The following F5 variants were observed in gnomAD, a reference collection of about 807,000 sequenced individuals.
F5 encodes activated protein c cofactor.
Under a neutral mutation model 216.4 loss-of-function variants are expected in F5, and 138 were observed. The observed-to-expected ratio is 0.64, with a 90% CI of 0.56 to 0.73. The LOEUF is 0.73. Ranked by LOEUF, F5 falls within the 30% of genes least tolerant of loss-of-function variation. The pLI, the probability that F5 is intolerant of heterozygous loss-of-function variation, is 0.00. For synonymous variants in F5, 916 were observed against 930.7 expected, an observed-to-expected ratio of 0.98 and a Z score of 0.29; for missense variants, 2,403 against 2,674.0, an observed-to-expected ratio of 0.90 and a Z score of 2.24.
chr1:169,529,859 A>G (rs1281451265), intron 15 of F5, 41 bp from the exon 16 acceptor site: 2 of 1,532,996 alleles, frequency 1.3e-6, no homozygotes. Flanking sequence ...TTTCTCAGGA[A>G]TTTCCTTGCT....
chr1:169,512,614 C>A lies in F5; in HGVS notation c.*1699G>T, dbSNP rs537882111. ...AAAACAAAGAAATGTTTTCCCCCAC[C>A]TTCCAACATTCTCTTTTGCTCTTAA... On this transcript the variant is annotated 3_prime_UTR_variant, in exon 25 of 25. Transcript: ENST00000367797. Among the ~76,000 whole-genome samples, 1 of 152,188 alleles carries A rather than the reference C, an allele frequency of 6.6e-6. No individual in the cohort carries two copies. The highest frequency in any genetic ancestry group is 2.1e-4 in the South Asian group (1 of 4,824).
intron 3 of F5, among the ~76,000 whole-genome samples, chr1:169,566,964 T>C (rs569942516): frequency 6.6e-6 from 1 of 152,090 alleles, no homozygotes; most frequent in Admixed American, 6.6e-5. Flanking sequence ...AGATAGAAAT[T>C]GGTGATTTTC....
intron 3 of F5, among the ~76,000 whole-genome samples, chr1:169,569,228 G>A (rs9287095): frequency 0.2 from 29,675 of 151,862 alleles, 4,338 homozygotes; most frequent in African/African-American, 0.42. Flanking sequence ...GGAATGTTTT[G>A]GAAAAATCTA....
intron 11 of F5, among the ~76,000 whole-genome samples, chr1:169,545,103 C>A (rs1370462554): frequency 1.3e-5 from 2 of 152,182 alleles, no homozygotes; most frequent in Non-Finnish European, 1.5e-5. Context: ...AAGGGCAGGG[C>A]TCATGTCTAC....
At position 169,540,350 on chromosome 1, in the gene F5, T is replaced by C. The variant is rs1416859439; in HGVS notation, c.4740A>G (p.Arg1580=). The stretch of plus-strand genomic sequence containing the variant: ...TTTCTTCAGCAGCAATGTAATAATT[T>C]CTTCTGTTTCCATTGTTGCTGCGGA... ...WYLRSNNGNR[R]NYYIAAEEIS... The change falls in exon 13 of 25, where the codon AGA becomes AGG. Residue 1580 remains arginine (R), a synonymous_variant. Coordinates refer to ENST00000367797, the MANE Select transcript of F5 (RefSeq NM_000130.5). 2 of 1,613,998 alleles carry C rather than the reference T, an allele frequency of 1.2e-6. No homozygotes were observed. The highest frequency in any genetic ancestry group is 1.7e-6 in the Non-Finnish European group (2 of 1,179,914).
chr1:169,542,945 A>G lies in F5; in HGVS notation c.2145T>C (p.Pro715=). The G allele has an allele frequency of 6.2e-7, 1 of 1,614,090 alleles. No homozygotes were observed. The highest frequency in any genetic ancestry group is 2.2e-5 in the East Asian group (1 of 44,882). Residue 715 remains proline, a synonymous_variant, in exon 13 of 25, where the codon CCT becomes CCC. Transcript: ENST00000367797. ...ATRKMHDRLE[P]EDEESDADYD... is the part of the protein sequence containing the mutation. ...AGTCAGCATCACTCTCTTCATCTTC[A>G]GGTTCTAAACGATCATGCATTTTCC...
At chr1:169,534,163 C>T (rs747978054) in intron 14 of F5, among the ~76,000 whole-genome samples, 2 of 152,156 alleles carry the variant, frequency 1.3e-5, no homozygotes, top group African/African-American at 2.4e-5. Context: ...GACCCACTCA[C>T]GTGGACCCTC....
At chr1:169,559,336 A>G (rs1271894644) in intron 4 of F5, 40 bp from the exon 5 acceptor site, 7 of 1,610,222 alleles carry the variant, frequency 4.3e-6, no homozygotes, top group Non-Finnish European at 5.1e-6. Context: ...CACTGCAGAT[A>G]GAAGACGCTC....
intron 3 of F5, among the ~76,000 whole-genome samples, chr1:169,566,361 G>A (rs1449111393): frequency 1.3e-5 from 2 of 152,052 alleles, no homozygotes; most frequent in African/African-American, 4.8e-5. Context: ...TCTTTGCAGG[G>A]TAGGAGATAA....
chr1:169,515,670 C>T, intron 23 of F5, 44 bp from the exon 24 acceptor site: 1 of 1,601,538 alleles, frequency 6.2e-7, no homozygotes, highest in South Asian at 1.1e-5. Flanking sequence ...GATGTTAAAA[C>T]CTTTGCTTTT....
intron 17 of F5, among the ~76,000 whole-genome samples, 186 bp downstream of exon 17, chr1:169,527,729 A>C (rs961419971): frequency 2.6e-5 from 4 of 152,196 alleles, no homozygotes; most frequent in Non-Finnish European, 5.9e-5. Context: ...AATAGTTCAT[A>C]AATTAGGTGA....
chr1:169,518,455 G>A lies in F5; in HGVS notation c.6302C>T (p.Ala2101Val), dbSNP rs1659212032. ...CACACGTCCCTGGGCATTCAGACGG[G>A]CACGGAAGGGTTCCCAGTAATCTCC... Reference protein sequence around the residue: ...WWGDYWEPFRARLNAQGRVNA... With the variant: ...WWGDYWEPFRVRLNAQGRVNA... Residue 2101 changes from alanine to valine, a missense_variant, in exon 23 of 25, where the codon GCC becomes GTC. By Grantham distance (64) the Ala-to-Val change is moderately conservative (BLOSUM62 0). Around this residue, in one of 4 missense-constraint regions of F5, gnomAD observed 659 missense variants for 787.9 expected, o/e 0.84. Coordinates refer to ENST00000367797, the MANE Select transcript of F5 (RefSeq NM_000130.5). The A allele has an allele frequency of 6.2e-7, 1 of 1,613,760 alleles. No homozygotes were observed.
intron 3 of F5, among the ~76,000 whole-genome samples, chr1:169,567,434 T>A (rs1228674390): frequency 6.6e-6 from 1 of 151,894 alleles, no homozygotes; most frequent in African/African-American, 2.4e-5. Flanking sequence ...ACACTGGAGG[T>A]TAGATTTCAG....
intron 13 of F5, among the ~76,000 whole-genome samples, chr1:169,538,972 G>T (rs771627660): frequency 9.2e-5 from 14 of 151,990 alleles, no homozygotes; most frequent in Non-Finnish European, 1.5e-4. Flanking sequence ...ATACCCAAAG[G>T]ATCTCTCCGT....
intron 3 of F5, 67 bp from the exon 4 acceptor site, chr1:169,560,833 A>G: frequency 7.2e-7 from 1 of 1,391,878 alleles, no homozygotes. Flanking sequence ...CCACTCTCAA[A>G]TCTGGGGATA....
intron 8 of F5, among the ~76,000 whole-genome samples, chr1:169,551,441 C>A (rs1412122692): frequency 1.3e-5 from 2 of 152,138 alleles, no homozygotes; most frequent in Non-Finnish European, 2.9e-5. Flanking sequence ...CAGAGTAAGA[C>A]CCTTGGTGGG....
rs1659278430 is a variant in F5, at chr1:169,520,640, A to G, written c.6073T>C (p.Ser2025Pro). 6.2e-7 allele frequency: 1 copy of G among 1,613,876 alleles called. No individual in the cohort carries two copies. Among genetic ancestry groups the G allele is most frequent in the Non-Finnish European group, 8.5e-7 (1 of 1,179,814 alleles). The change falls in exon 22 of 25, where the codon TCT becomes CCT. Residue 2025 changes from serine (S) to proline (P), a missense_variant. Physicochemically the swap from Ser to Pro is moderately conservative, Grantham distance 74 (BLOSUM62 -1). This residue lies in a region of F5 where 659 missense variants were observed against 787.9 expected (regional missense o/e 0.84). Transcript: ENST00000367797. ...VMYFNGNSDA[S>P]TIKENQFDPP... Reference sequence around the variant, plus strand: ...TCAAACTGATTCTCTTTTATTGTAGAGGCATCTGAATTGCCATTAAAATAC... The same window carrying G: ...TCAAACTGATTCTCTTTTATTGTAGGGGCATCTGAATTGCCATTAAAATAC...
chr1:169,530,239 A>T (rs1659560902), intron 15 of F5, among the ~76,000 whole-genome samples: 1 of 152,192 alleles, frequency 6.6e-6, no homozygotes, highest in Non-Finnish European at 1.5e-5. Flanking sequence ...ATACCAGGCT[A>T]AGAGAGGTCA....
intron 1 of F5, among the ~76,000 whole-genome samples, chr1:169,584,826 A>G (rs933976923): frequency 2.6e-5 from 4 of 152,240 alleles, no homozygotes; most frequent in African/African-American, 9.6e-5. Context: ...AATTCCTACC[A>G]GAGGAACGAA....
Sources: gnomAD v4.1 joint callset for allele counts (sites outside exome capture counted in the v4.1 genomes callset) on GRCh38, gnomAD v4.1.1 for gene constraint, gnomAD v4.1.1 regional missense constraint, MANE v1.5 for transcripts, NCBI Gene and HGNC (gene_info 2026-07-23, HGNC 2026-07-21) for gene names.